ROBO2: variants seen among roughly 807,000 people sequenced by gnomAD.
The protein encoded by ROBO2 is roundabout homolog 2.
ROBO2 carries 53 observed loss-of-function variants against 160.8 expected under a neutral mutation model. That is an observed-to-expected ratio of 0.33 (90% CI 0.26 to 0.41). The LOEUF is 0.41. Ranked by LOEUF, ROBO2 falls within the 10% of genes least tolerant of loss-of-function variation. The pLI is 1.00. For missense variants in ROBO2, 1,577 were observed against 1,722.4 expected, an observed-to-expected ratio of 0.92 and a Z score of 1.49; for synonymous variants, 664 against 611.7, an observed-to-expected ratio of 1.09 and a Z score of -1.26.
chr3:76,188,064 C>T (rs1440796353), intron 2 of ROBO2, among the ~76,000 whole-genome samples: 2 of 152,044 alleles, frequency 1.3e-5, no homozygotes, highest in African/African-American at 4.8e-5. Flanking sequence ...TAGGCCACCC[C>T]GTTAGTTGAC....
At chr3:77,181,369 T>C (rs1240652457) in intron 2 of ROBO2, among the ~76,000 whole-genome samples, 8 of 152,128 alleles carry the variant, frequency 5.3e-5, no homozygotes, top group Non-Finnish European at 4.4e-5. Context: ...TCTTTCCCTA[T>C]TTCCATATAT....
At chr3:77,046,785 G>A (rs1196902034) in intron 1 of ROBO2, among the ~76,000 whole-genome samples, 2 of 152,200 alleles carry the variant, frequency 1.3e-5, no homozygotes, top group Admixed American at 1.3e-4. Flanking sequence ...GCTTGAATAT[G>A]TTTAGGTTAT....
intron 2 of ROBO2, among the ~76,000 whole-genome samples, chr3:77,123,435 G>A (rs1178379205): frequency 6.6e-6 from 1 of 152,060 alleles, no homozygotes; most frequent in Non-Finnish European, 1.5e-5. Context: ...TGAGGAGTTA[G>A]AAAATAATTG....
chr3:76,935,647 G>C (rs115915664), intron 2 of ROBO2, among the ~76,000 whole-genome samples: 102 of 152,296 alleles, frequency 6.7e-4, no homozygotes, highest in African/African-American at 2.3e-3. Flanking sequence ...GGTGCCAGCA[G>C]ATTGGGTGTC....
At chr3:76,870,311 A>G (rs541492828) in intron 2 of ROBO2, among the ~76,000 whole-genome samples, 1 of 152,208 alleles carries the variant, frequency 6.6e-6, no homozygotes, top group Non-Finnish European at 1.5e-5. Context: ...CATCAGAATC[A>G]CCTGGGGACA....
rs1413479845 is a variant in ROBO2 at position 77,018,442 on chromosome 3, G to A, written c.110-79572G>A. 2.0e-5 allele frequency among the ~76,000 whole-genome samples: 3 copies of A among 152,066 alleles called. No individual in the cohort carries two copies. The South Asian group carries it at 6.2e-4, about 32-fold the overall frequency. ...TACACACTCAATATGTTTAAAAGAG[G>A]TATTTTAAAAGAATTCTATATTGAT... On this transcript the variant is annotated intron_variant, in intron 2 of 26. Transcript: ENST00000487694.
At chr3:77,213,146 G>A (rs539095950) in intron 2 of ROBO2, among the ~76,000 whole-genome samples, 1 of 152,154 alleles carries the variant, frequency 6.6e-6, no homozygotes, top group East Asian at 1.9e-4. Flanking sequence ...GTTTCAGAAG[G>A]AATGGTACCA....
intron 2 of ROBO2, among the ~76,000 whole-genome samples, chr3:76,099,657 G>A (rs890446360): frequency 6.6e-6 from 1 of 151,992 alleles, no homozygotes; most frequent in Admixed American, 6.5e-5. Flanking sequence ...TTATACTTGT[G>A]CCAAAAAAGT....
intron 2 of ROBO2, among the ~76,000 whole-genome samples, chr3:77,378,549 G>A (rs936459521): frequency 1.3e-5 from 2 of 152,156 alleles, no homozygotes; most frequent in Non-Finnish European, 2.9e-5. Context: ...GAAGCTCAAA[G>A]TCATGTACCT....
intron 2 of ROBO2, among the ~76,000 whole-genome samples, chr3:76,237,051 G>C (rs1390259908): frequency 6.6e-6 from 1 of 152,032 alleles, no homozygotes; most frequent in Non-Finnish European, 1.5e-5. Flanking sequence ...GGTATATGTA[G>C]TTAATAATTA....
At chr3:76,489,659 GTTA>G (rs2079706209) in intron 2 of ROBO2, among the ~76,000 whole-genome samples, 1 of 152,010 alleles carries the variant, frequency 6.6e-6, no homozygotes, top group Admixed American at 6.6e-5. Context: ...TTTTATTTGA[GTTA>G]TTGTTACTTT....
intron 2 of ROBO2, among the ~76,000 whole-genome samples, chr3:76,258,118 C>A (rs570262948): frequency 6.1e-4 from 92 of 152,058 alleles, no homozygotes; most frequent in African/African-American, 2.0e-3. Context: ...AAAGTTGCCT[C>A]TTCTTTTGTA....
At chr3:76,316,286 A>G (rs537553943) in intron 2 of ROBO2, among the ~76,000 whole-genome samples, 1 of 152,162 alleles carries the variant, frequency 6.6e-6, no homozygotes, top group African/African-American at 2.4e-5. Context: ...TCTCAACCGC[A>G]TAAGACAGAC....
chr3:76,472,831 C>T (rs974739610), intron 2 of ROBO2, among the ~76,000 whole-genome samples: 2 of 152,104 alleles, frequency 1.3e-5, no homozygotes, highest in East Asian at 1.9e-4. Flanking sequence ...GTTATTAAGC[C>T]GATAAATCAG....
At chr3:76,750,252 C>T (rs1261863072) in intron 2 of ROBO2, among the ~76,000 whole-genome samples, 2 of 152,090 alleles carry the variant, frequency 1.3e-5, no homozygotes, top group African/African-American at 4.8e-5. Context: ...AACAGTCCTT[C>T]ATGCTAAAAA....
In ROBO2 at chr3:77,315,799, T is replaced by C. The variant is rs2063930505; in HGVS notation, c.389-161615T>C. On this transcript the variant is annotated intron_variant, in intron 2 of 25. Coordinates refer to ENST00000461745, the Ensembl canonical transcript of ROBO2. ...CTGATTTAAAAAAGAAAGAAAAGAA[T>C]GATAAAAGGCAAAAGGGTAAGTGGC... 2.6e-5 allele frequency among the ~76,000 whole-genome samples: 4 copies of C among 152,000 alleles called. No individual in the cohort carries two copies. The South Asian group carries it at 8.3e-4, about 32-fold the overall frequency.
At chr3:76,201,889 C>CAAAAAAAAAAAAA (rs3039047) in intron 2 of ROBO2, among the ~76,000 whole-genome samples, 1 of 105,582 alleles carries the variant, frequency 9.5e-6, no homozygotes, top group African/African-American at 3.7e-5. Context: ...CGAGAAATGT[C>CAAAAAAAAAAAAA]AAAAAAAAAA....
chr3:77,614,261 T>A (rs1405799332), intron 21 of ROBO2, among the ~76,000 whole-genome samples: 1 of 152,184 alleles, frequency 6.6e-6, no homozygotes, highest in Non-Finnish European at 1.5e-5. Flanking sequence ...AGTTACAATA[T>A]TTTAAAGCAA....
chr3:77,149,052 T>C (rs2077346338), intron 2 of ROBO2, among the ~76,000 whole-genome samples: 1 of 151,278 alleles, frequency 6.6e-6, no homozygotes, highest in South Asian at 2.1e-4. Flanking sequence ...TTTTTTTTTT[T>C]TTTGAGACAG....
Sources: gnomAD v4.1 joint callset for allele counts (sites outside exome capture counted in the v4.1 genomes callset) on GRCh38, gnomAD v4.1.1 for gene constraint, MANE v1.5 for transcripts, NCBI Gene and HGNC (gene_info 2026-07-23, HGNC 2026-07-21) for gene names.